Variants in KCNK10 observed in about 807,000 individuals in gnomAD.
KCNK10 encodes the protein potassium channel subfamily K member 10.
In KCNK10, 25 loss-of-function variants were observed where a neutral mutation model predicts 47.7. The observed-to-expected ratio is 0.52, with a 90% CI of 0.38 to 0.73. The LOEUF (loss-of-function observed/expected upper bound fraction) is 0.73. Ranked by LOEUF, KCNK10 falls within the 30% of genes least tolerant of loss-of-function variation. KCNK10 has a pLI of 0.00. For missense variants in KCNK10, 563 were observed against 714.5 expected (o/e 0.79, Z 2.42); for synonymous variants, 303 against 285.6 (o/e 1.06, Z -0.61).
intron 1 of KCNK10, among the ~76,000 whole-genome samples, chr14:88,266,328 C>T (rs1209318705): frequency 6.6e-6 from 1 of 152,216 alleles, no homozygotes; most frequent in African/African-American, 2.4e-5. Flanking sequence ...ACCTTCACAC[C>T]TTTGCAGGTG....
chr14:88,322,298 T>A lies in KCNK10; in HGVS notation c.52+449A>T, dbSNP rs541137517. 3.7e-4 allele frequency among the ~76,000 whole-genome samples: 56 copies of A among 152,286 alleles called. 1 individual carries two copies. The South Asian group carries it at 9.7e-3, about 26-fold the overall frequency. On this transcript the variant is annotated intron_variant, in intron 1 of 6. Coordinates refer to ENST00000319231, the MANE Select transcript of KCNK10 (RefSeq NM_138317.3). This position sits in a 1 kb window ranked among gnomAD's most constrained non-coding sequence, Gnocchi z 4.8. ...CTGCTGCAACTCGAGCCCCACTTGC[T>A]GCCAGGAAACCTTTCCCACTGAGGA...
At chr14:88,284,246 T>C (rs1342665054) in intron 1 of KCNK10, among the ~76,000 whole-genome samples, 1 of 152,066 alleles carries the variant, frequency 6.6e-6, no homozygotes, top group Admixed American at 6.5e-5. Context: ...GTGCCGGCTT[T>C]GCACTAACTA....
At position 88,278,001 on chromosome 14, in the gene KCNK10, A is replaced by G. The variant is rs147986948; in HGVS notation, c.53-14450T>C. Among the ~76,000 whole-genome samples, 493 of 152,322 alleles carry G rather than the reference A, an allele frequency of 3.2e-3. 1 individual carries two copies. The highest frequency in any genetic ancestry group is 5.5e-3 in the Non-Finnish European group (372 of 68,020). On this transcript the variant is annotated intron_variant, in intron 1 of 6. Transcript: ENST00000319231. ...AAAGGGCTCGATTAATGTTCATGGCATGAATTCAACAAATGTTTGCTGAGG... is the reference window on the plus strand; with the variant it reads ...AAAGGGCTCGATTAATGTTCATGGCGTGAATTCAACAAATGTTTGCTGAGG...
At chr14:88,241,846 C>T (rs1466533982) in intron 2 of KCNK10, among the ~76,000 whole-genome samples, 1 of 152,188 alleles carries the variant, frequency 6.6e-6, no homozygotes, top group Non-Finnish European at 1.5e-5. Context: ...AAAATCCCTC[C>T]CTAGCCTCAT....
intron 2 of KCNK10, among the ~76,000 whole-genome samples, chr14:88,254,173 G>A (rs1277476706): frequency 6.6e-6 from 1 of 152,148 alleles, no homozygotes; most frequent in Non-Finnish European, 1.5e-5. Context: ...CCCTCTTGCT[G>A]GAGGCAAGGA....
chr14:88,237,211 A>T (rs1319537094), intron 3 of KCNK10, among the ~76,000 whole-genome samples: 1 of 152,224 alleles, frequency 6.6e-6, no homozygotes, highest in East Asian at 1.9e-4. Flanking sequence ...TTGTTCATCC[A>T]TAAGAAGAAG....
intron 4 of KCNK10, among the ~76,000 whole-genome samples, chr14:88,196,370 C>T (rs751412461): frequency 2.6e-5 from 4 of 152,196 alleles, no homozygotes; most frequent in African/African-American, 9.7e-5. Context: ...GAAGTGTTTA[C>T]TTGTTTCAGG....
chr14:88,300,732 A>G (rs1223929684), intron 1 of KCNK10, among the ~76,000 whole-genome samples: 1 of 152,222 alleles, frequency 6.6e-6, no homozygotes, highest in Non-Finnish European at 1.5e-5. Flanking sequence ...AAATTGTTCA[A>G]TCTGGATTCA....
At chr14:88,256,225 C>G (rs1183796276) in intron 2 of KCNK10, among the ~76,000 whole-genome samples, 1 of 152,210 alleles carries the variant, frequency 6.6e-6, no homozygotes, top group East Asian at 1.9e-4. Context: ...GGGCCTGGCC[C>G]TTCCTCTAGA....
intron 2 of KCNK10, among the ~76,000 whole-genome samples, chr14:88,254,254 C>G (rs117420111): frequency 6.6e-6 from 1 of 152,160 alleles, no homozygotes; most frequent in East Asian, 1.9e-4. Context: ...GGGGATTAGA[C>G]CAACCTGCCC....
intron 1 of KCNK10, among the ~76,000 whole-genome samples, chr14:88,279,502 G>A (rs1194535453): frequency 9.2e-5 from 14 of 151,570 alleles, no homozygotes; most frequent in Admixed American, 9.2e-4. Context: ...AAAAATACAG[G>A]ACACCCAGTG....
chr14:88,196,324 T>A (rs1884912701), intron 4 of KCNK10, among the ~76,000 whole-genome samples: 1 of 152,202 alleles, frequency 6.6e-6, no homozygotes, highest in East Asian at 1.9e-4. Flanking sequence ...CTAAGAGCTC[T>A]CTTTTGAGAG....
At chr14:88,203,957 T>C (rs1885182983) in intron 4 of KCNK10, among the ~76,000 whole-genome samples, 2 of 152,156 alleles carry the variant, frequency 1.3e-5, no homozygotes, top group South Asian at 2.1e-4. Context: ...GCACCAGGCA[T>C]TGGGGCCAAA....
intron 4 of KCNK10, among the ~76,000 whole-genome samples, chr14:88,199,666 G>C (rs1160490186): frequency 1.3e-5 from 2 of 152,162 alleles, no homozygotes; most frequent in East Asian, 3.8e-4. Flanking sequence ...GCTGTTCCCT[G>C]GAACCAGTAT....
At position 88,211,151 on chromosome 14, in the gene KCNK10, G is replaced by A. The variant is rs150203727; in HGVS notation, c.681+16224C>T. 3.5e-3 allele frequency among the ~76,000 whole-genome samples: 530 copies of A among 152,284 alleles called. 4 individuals carry two copies. Among genetic ancestry groups the A allele is most frequent in the African/African-American group, 0.012 (508 of 41,564 alleles). ...AAATAGGCAAAATGTGGTATATACA[G>A]ACAGGGGGATATTACTCAGCCTTGA... On this transcript the variant is annotated intron_variant, in intron 4 of 6. Coordinates refer to ENST00000319231, the MANE Select transcript of KCNK10 (RefSeq NM_138317.3).
chr14:88,196,643 G>A (rs1399761229), intron 4 of KCNK10, among the ~76,000 whole-genome samples: 3 of 152,104 alleles, frequency 2.0e-5, no homozygotes, highest in Non-Finnish European at 4.4e-5. Flanking sequence ...AGGATGTCGG[G>A]GATTTTACTC....
chr14:88,326,366 T>C, upstream of KCNK10: 2 of 1,528,860 alleles, frequency 1.3e-6, no homozygotes, highest in South Asian at 1.1e-5. Context: ...GCAATCCCCC[T>C]CCATCCCCTT....
chr14:88,321,059 G>A (rs1338884416), intron 1 of KCNK10, among the ~76,000 whole-genome samples: 1 of 152,162 alleles, frequency 6.6e-6, no homozygotes, highest in South Asian at 2.1e-4. Flanking sequence ...GAGACAAAAT[G>A]AAAGGTTTGT....
intron 4 of KCNK10, among the ~76,000 whole-genome samples, chr14:88,212,447 A>T (rs544051232): frequency 6.6e-6 from 1 of 152,076 alleles, no homozygotes; most frequent in East Asian, 1.9e-4. Flanking sequence ...TCTCAAAAAA[A>T]GAAAAAAAAA....
Sources: gnomAD v4.1 joint callset for allele counts (sites outside exome capture counted in the v4.1 genomes callset) on GRCh38, gnomAD v4.1.1 for gene constraint, Gnocchi (gnomAD v3.1) non-coding constraint, MANE v1.5 for transcripts, NCBI Gene and HGNC (gene_info 2026-07-23, HGNC 2026-07-21) for gene names.